Variants in RNF43 observed in about 807,000 individuals in gnomAD.
RNF43 encodes the protein ring finger protein 43.
Under a neutral mutation model 78.4 loss-of-function variants are expected in RNF43, and 37 were observed. The observed-to-expected ratio is 0.47, with a 90% CI of 0.36 to 0.62. The LOEUF is 0.62. Among genes scored for constraint, RNF43 ranks in the 20% least tolerant of loss-of-function variants. The probability of loss-of-function intolerance (pLI) is 0.00; values close to 1 mark genes in which losing one functional copy is unlikely to be tolerated. For missense variants in RNF43, 774 were observed against 1,007.9 expected, an observed-to-expected ratio of 0.77 and a Z score of 3.14; for synonymous variants, 347 against 395.0, an observed-to-expected ratio of 0.88 and a Z score of 1.44.
chr17:58,379,280 G>A (rs905924320), intron 2 of RNF43, among the ~76,000 whole-genome samples: 1 of 152,130 alleles, frequency 6.6e-6, no homozygotes, highest in African/African-American at 2.4e-5. Flanking sequence ...ACAGAAGCAG[G>A]ATCTGTCTGC....
In RNF43 at chr17:58,363,408, T is replaced by C. The variant is rs569008851; in HGVS notation, c.451-2A>G. 6.2e-7 allele frequency: 1 copy of C among 1,614,136 alleles called. No homozygotes were observed. The highest frequency in any genetic ancestry group is 1.1e-5 in the South Asian group (1 of 91,092). On this transcript the variant is annotated splice_acceptor_variant, in intron 4 of 9. Coordinates refer to ENST00000407977, the MANE Select transcript of RNF43 (RefSeq NM_017763.6). LOFTEE classifies it high-confidence loss of function. ...GGTCAGCCCCAGCGGCTGCTGCAGC[T>C]ACAGGGGGAAAGTGCCCACAGGGCT...
At chr17:58,391,068 C>T (rs1333501484) in intron 2 of RNF43, among the ~76,000 whole-genome samples, 1 of 152,188 alleles carries the variant, frequency 6.6e-6, no homozygotes, top group Non-Finnish European at 1.5e-5. Context: ...CTCCTTCAGG[C>T]CCTCTCCAGG....
intron 4 of RNF43, 28 bp downstream of exon 4, chr17:58,363,498 C>G (rs1258766630): frequency 6.2e-7 from 1 of 1,611,162 alleles, no homozygotes; most frequent in Non-Finnish European, 8.5e-7. Flanking sequence ...CCAGCCCCCA[C>G]CTTGAACACG....
chr17:58,377,416 A>G (rs1045171966), intron 2 of RNF43, among the ~76,000 whole-genome samples: 1 of 152,144 alleles, frequency 6.6e-6, no homozygotes, highest in African/African-American at 2.4e-5. Context: ...ACAGCTCATT[A>G]TCCACAGTCA....
rs1251074406 is a variant in RNF43 at position 58,360,611 on chromosome 17, G to GAGCA, written c.849+171_849+172insTGCT. Reference sequence around the variant, plus strand: ...AAACAATAGTGCTCTTTCACTGGAAGGTCAGAAAAGTGACCAAACTTCAGG... The same window carrying GAGCA: ...AAACAATAGTGCTCTTTCACTGGAAGAGCAGTCAGAAAAGTGACCAAACTTCAGG... On this transcript the variant is annotated intron_variant, in intron 7 of 9. Transcript: ENST00000407977. The surrounding 1 kb of genome is among the most constrained non-coding windows in gnomAD (Gnocchi z 4.3). Among the ~76,000 whole-genome samples the GAGCA allele has an allele frequency of 3.9e-5, 6 of 152,308 alleles. No homozygotes were observed. The highest frequency in any genetic ancestry group is 1.4e-4 in the African/African-American group (6 of 41,566).
intron 3 of RNF43, among the ~76,000 whole-genome samples, chr17:58,367,298 C>T (rs569400979): frequency 2.0e-5 from 3 of 152,300 alleles, no homozygotes; most frequent in Non-Finnish European, 2.9e-5. Flanking sequence ...AGCCACCACA[C>T]CTGGTCCTTA....
chr17:58,407,172 A>G (rs1973929681), intron 2 of RNF43, among the ~76,000 whole-genome samples: 2 of 141,530 alleles, frequency 1.4e-5, no homozygotes, highest in Non-Finnish European at 3.0e-5. Flanking sequence ...TCTGCCTCCC[A>G]GATTCAAGCG....
Position 58,360,381 on chromosome 17 carries a change from T to A in RNF43, c.850-130A>T. On this transcript the variant is annotated intron_variant, in intron 7 of 9. Coordinates refer to ENST00000407977, the MANE Select transcript of RNF43 (RefSeq NM_017763.6). This position sits in a 1 kb window ranked among gnomAD's most constrained non-coding sequence, Gnocchi z 4.3. Reference sequence around the variant, plus strand: ...ACTTGTAAAAGACCTCACAGTAGAATAGGAATGGTATGAGCTTTGGCATCA... The same window carrying A: ...ACTTGTAAAAGACCTCACAGTAGAAAAGGAATGGTATGAGCTTTGGCATCA... The A allele has an allele frequency of 1.5e-6, 1 of 669,876 alleles. No individual in the cohort carries two copies. Among genetic ancestry groups the A allele is most frequent in the Non-Finnish European group, 2.6e-6 (1 of 381,546 alleles). The allele number at this position is 669,876 out of a possible 1,614,324, so 41.5% of individuals were successfully genotyped here.
chr17:58,390,310 C>T (rs944078952), intron 2 of RNF43, among the ~76,000 whole-genome samples: 1 of 152,220 alleles, frequency 6.6e-6, no homozygotes, highest in African/African-American at 2.4e-5. Flanking sequence ...TAAGGTAGAT[C>T]CTTTTTTTAA....
intron 2 of RNF43, among the ~76,000 whole-genome samples, chr17:58,384,643 G>A (rs1187323147): frequency 2.0e-5 from 3 of 152,150 alleles, no homozygotes; most frequent in Non-Finnish European, 2.9e-5. Context: ...TTGGGCTTGT[G>A]ACCTGGCTTC....
rs1567872459 is a variant in RNF43, at chr17:58,357,499, A to G, written c.2277T>C (p.Tyr759=). The change falls in exon 9 of 10, where the codon TAT becomes TAC. Residue 759 remains tyrosine (Y), a synonymous_variant. Transcript: ENST00000407977. The surrounding 1 kb of genome is among the most constrained non-coding windows in gnomAD (Gnocchi z 4.5). The stretch of plus-strand genomic sequence containing the variant: ...GGGCCGACAGCACCTGGCAGTGCGG[A>G]TAAGGGCATGGCCTGCCCTCTGCGG... ...SDTAEGRPCP[Y]PHCQVLSAQP... 6.2e-7 allele frequency: 1 copy of G among 1,614,186 alleles called. No homozygotes were observed. The highest frequency in any genetic ancestry group is 2.2e-5 in the East Asian group (1 of 44,876).
Position 58,400,032 on chromosome 17 carries a change from A to G in RNF43, c.252+15294T>C, listed in dbSNP as rs184781374. ...TGGTTCTAGGATCCCTCAGACTCTG[A>G]TAAGTCAAAACTTAGAAAACAGCTG... is the stretch of plus-strand genomic sequence containing the variant. On this transcript the variant is annotated intron_variant, in intron 2 of 9. Coordinates refer to ENST00000407977, the MANE Select transcript of RNF43 (RefSeq NM_017763.6). 5.3e-3 allele frequency among the ~76,000 whole-genome samples: 811 copies of G among 152,296 alleles called. 9 individuals carry two copies. Among genetic ancestry groups the G allele is most frequent in the African/African-American group, 0.018 (754 of 41,548 alleles).
At chr17:58,361,801 C>T (rs1972839107) in intron 6 of RNF43, among the ~76,000 whole-genome samples, 1 of 152,214 alleles carries the variant, frequency 6.6e-6, no homozygotes, top group South Asian at 2.1e-4. Flanking sequence ...TTTGCATTTA[C>T]TGTTCTCTCT....
intron 2 of RNF43, among the ~76,000 whole-genome samples, chr17:58,406,705 C>A (rs977783698): frequency 6.9e-6 from 1 of 144,888 alleles, no homozygotes; most frequent in Non-Finnish European, 1.5e-5. Context: ...GTAGATAATA[C>A]AAAAGACTGT....
rs1366857830 is a variant in RNF43, at chr17:58,360,963, C to G, written c.688-19G>C. On this transcript the variant is annotated intron_variant, in intron 6 of 9. Transcript: ENST00000407977. The surrounding 1 kb of genome is among the most constrained non-coding windows in gnomAD (Gnocchi z 4.3). ...GCGGATCCTGGGAAGAGGAATGGGG[C>G]TCAGATTGGGGCATGGGCTCCCCTT... The G allele has an allele frequency of 6.5e-7, 1 of 1,536,800 alleles. No homozygotes were observed. The highest frequency in any genetic ancestry group is 1.2e-5 in the South Asian group (1 of 80,052).
chr17:58,414,493 T>C (rs1293132293), intron 2 of RNF43, among the ~76,000 whole-genome samples: 2 of 152,202 alleles, frequency 1.3e-5, no homozygotes, highest in Non-Finnish European at 2.9e-5. Context: ...GAATGCCCAT[T>C]AAAAAGGTAT....
intron 6 of RNF43, 122 bp from the exon 7 acceptor site, chr17:58,361,066 G>A: frequency 9.6e-7 from 1 of 1,042,310 alleles, no homozygotes; most frequent in Non-Finnish European, 1.3e-6. Context: ...AACATCCTTA[G>A]GAGTTCGTCT....
At chr17:58,388,581 C>A (rs1973483057) in intron 2 of RNF43, among the ~76,000 whole-genome samples, 1 of 152,192 alleles carries the variant, frequency 6.6e-6, no homozygotes, top group Admixed American at 6.5e-5. Flanking sequence ...CTGTTAGGTC[C>A]AACCCAGGAG....
At chr17:58,389,853 C>T (rs1444633410) in intron 2 of RNF43, among the ~76,000 whole-genome samples, 1 of 152,176 alleles carries the variant, frequency 6.6e-6, no homozygotes, top group African/African-American at 2.4e-5. Context: ...GAACAAACAA[C>T]AATGCTGGAC....
Sources: gnomAD v4.1 joint callset for allele counts (sites outside exome capture counted in the v4.1 genomes callset) on GRCh38, gnomAD v4.1.1 for gene constraint, Gnocchi (gnomAD v3.1) non-coding constraint, MANE v1.5 for transcripts, NCBI Gene and HGNC (gene_info 2026-07-23, HGNC 2026-07-21) for gene names.